The following GMDS variants were observed in gnomAD, a reference collection of about 807,000 sequenced individuals.
GMDS encodes the protein GDP-mannose 4,6-dehydratase.
A neutral mutation model predicts 49.9 loss-of-function variants in GMDS; 20 were observed. The ratio of observed to expected loss-of-function variants is 0.40; its 90% CI spans 0.28 to 0.58. GMDS has a LOEUF of 0.58. Ranked by LOEUF, GMDS falls within the 20% of genes least tolerant of loss-of-function variation. The probability of loss-of-function intolerance (pLI) is 0.42; values close to 1 mark genes in which losing one functional copy is unlikely to be tolerated. For synonymous variants in GMDS, 177 were observed against 178.6 expected (o/e 0.99, Z 0.07); for missense variants, 362 against 481.4 (o/e 0.75, Z 2.32).
intron 7 of GMDS, among the ~76,000 whole-genome samples, chr6:1,810,092 T>G (rs1401196925): frequency 6.6e-6 from 1 of 152,002 alleles, no homozygotes; most frequent in Non-Finnish European, 1.5e-5. Context: ...GGTGGGGTAT[T>G]GAAATTAATA....
At chr6:1,630,198 A>C (rs1183147829) in intron 9 of GMDS, among the ~76,000 whole-genome samples, 1 of 152,260 alleles carries the variant, frequency 6.6e-6, no homozygotes, top group Non-Finnish European at 1.5e-5. Context: ...AAGCAAGTTA[A>C]CTTCCTTTTA....
At chr6:1,810,260 T>C (rs1161108275) in intron 7 of GMDS, among the ~76,000 whole-genome samples, 5 of 152,070 alleles carry the variant, frequency 3.3e-5, no homozygotes, top group African/African-American at 9.7e-5. Context: ...GCAGGACAAG[T>C]GGGAGGAATA....
intron 4 of GMDS, among the ~76,000 whole-genome samples, chr6:2,092,771 C>T (rs540621441): frequency 8.4e-4 from 128 of 152,208 alleles, no homozygotes; most frequent in Non-Finnish European, 1.5e-3. Flanking sequence ...ACTCAGAATC[C>T]AGTACATTTC....
At chr6:1,838,509 C>T (rs1757022347) in intron 7 of GMDS, among the ~76,000 whole-genome samples, 1 of 152,098 alleles carries the variant, frequency 6.6e-6, no homozygotes, top group Admixed American at 6.5e-5. Context: ...TGTTTTTTTC[C>T]ACATAAATTT....
intron 7 of GMDS, among the ~76,000 whole-genome samples, chr6:1,858,469 A>G (rs1335852523): frequency 6.6e-6 from 1 of 152,164 alleles, no homozygotes; most frequent in Non-Finnish European, 1.5e-5. Context: ...TTCAATAACA[A>G]TGCTTTGCTT....
chr6:1,815,065 T>C (rs1581213509), intron 7 of GMDS, among the ~76,000 whole-genome samples: 1 of 152,210 alleles, frequency 6.6e-6, no homozygotes, highest in Admixed American at 6.5e-5. Flanking sequence ...CTCTTTAAGA[T>C]GAAATAAATT....
At chr6:2,226,587 T>C (rs757515210) in intron 1 of GMDS, among the ~76,000 whole-genome samples, 1 of 152,210 alleles carries the variant, frequency 6.6e-6, no homozygotes, top group African/African-American at 2.4e-5. Flanking sequence ...AAATGGAATA[T>C]GAGTATCTGG....
chr6:1,990,124 G>A (rs982285785), intron 4 of GMDS, among the ~76,000 whole-genome samples: 9 of 152,128 alleles, frequency 5.9e-5, no homozygotes, highest in African/African-American at 9.6e-5. Flanking sequence ...GTGAAACCCC[G>A]TCTCTACTAA....
At chr6:2,167,569 C>T (rs1041721556) in intron 1 of GMDS, among the ~76,000 whole-genome samples, 1 of 152,160 alleles carries the variant, frequency 6.6e-6, no homozygotes, top group African/African-American at 2.4e-5. Flanking sequence ...AACCTTAATT[C>T]TACCAGAAGA....
chr6:1,721,503 T>C (rs1766383150), intron 9 of GMDS, among the ~76,000 whole-genome samples: 1 of 152,132 alleles, frequency 6.6e-6, no homozygotes. Context: ...CATCAGCTAG[T>C]AGAGTTTAAG....
chr6:1,804,411 T>C (rs1770083704), intron 7 of GMDS, among the ~76,000 whole-genome samples: 1 of 152,254 alleles, frequency 6.6e-6, no homozygotes, highest in Admixed American at 6.5e-5. Context: ...CTGAGGCTCA[T>C]CTCCACCACT....
At chr6:1,820,811 T>G (rs907402916) in intron 7 of GMDS, among the ~76,000 whole-genome samples, 2 of 152,216 alleles carry the variant, frequency 1.3e-5, no homozygotes, top group Non-Finnish European at 2.9e-5. Flanking sequence ...CAATGATGCA[T>G]TCCCCTAAAT....
At chr6:1,839,378 A>T (rs779795942) in intron 7 of GMDS, among the ~76,000 whole-genome samples, 9 of 152,188 alleles carry the variant, frequency 5.9e-5, no homozygotes, top group Non-Finnish European at 5.9e-5. Context: ...AACCACCTAC[A>T]ATTACTAGCA....
intron 7 of GMDS, among the ~76,000 whole-genome samples, chr6:1,850,118 T>C (rs115930195): frequency 0.028 from 4,285 of 152,266 alleles, 199 homozygotes; most frequent in African/African-American, 0.097. Context: ...ATCTCATGGG[T>C]CTTCTGCTAA....
chr6:2,196,450 A>C (rs1779278810), intron 1 of GMDS, among the ~76,000 whole-genome samples: 1 of 152,252 alleles, frequency 6.6e-6, no homozygotes, highest in South Asian at 2.1e-4. Context: ...ACTGTTGCTA[A>C]GTACAGAAGG....
intron 1 of GMDS, among the ~76,000 whole-genome samples, chr6:2,206,403 A>G (rs952931245): frequency 2.6e-5 from 4 of 152,112 alleles, no homozygotes; most frequent in Admixed American, 2.0e-4. Flanking sequence ...GGGAGGCTCT[A>G]GGAGGCACTG....
At chr6:2,157,938 A>C (rs1777188809) in intron 1 of GMDS, among the ~76,000 whole-genome samples, 1 of 152,204 alleles carries the variant, frequency 6.6e-6, no homozygotes, top group Admixed American at 6.5e-5. Flanking sequence ...TCTAAGAGAG[A>C]CATCTCTGTT....
intron 4 of GMDS, among the ~76,000 whole-genome samples, chr6:2,080,804 G>A (rs188258307): frequency 3.9e-5 from 6 of 152,248 alleles, no homozygotes; most frequent in South Asian, 2.1e-4. Flanking sequence ...ATAAAAATGC[G>A]AAGATTAATT....
At chr6:2,078,205 C>A (rs936018146) in intron 4 of GMDS, among the ~76,000 whole-genome samples, 1 of 151,948 alleles carries the variant, frequency 6.6e-6, no homozygotes, top group Admixed American at 6.6e-5. Context: ...AATTTTGTGT[C>A]TTTTCAAAGA....
Sources: allele counts gnomAD v4.1 joint callset (sites outside exome capture counted in the v4.1 genomes callset), GRCh38; gene constraint gnomAD v4.1.1; transcripts MANE v1.5; gene names NCBI Gene and HGNC (gene_info 2026-07-23, HGNC 2026-07-21).